NUDT22: variants seen among roughly 807,000 people sequenced by gnomAD.
NUDT22 encodes the protein nudix hydrolase 22, also known as uridine diphosphate glucose pyrophosphatase NUDT22.
Under a neutral mutation model 28.8 loss-of-function variants are expected in NUDT22, and 23 were observed. That is an observed-to-expected ratio of 0.80 (90% CI 0.58 to 1.13). The LOEUF (loss-of-function observed/expected upper bound fraction) is 1.13, where lower values mean the gene tolerates loss of function less well. NUDT22 is among the 50% of genes most tolerant of loss of function. The pLI, the probability that NUDT22 is intolerant of heterozygous loss-of-function variation, is 0.00. For missense variants in NUDT22, 358 were observed against 387.3 expected, an observed-to-expected ratio of 0.92 and a Z score of 0.64; for synonymous variants, 175 against 173.7, an observed-to-expected ratio of 1.01 and a Z score of -0.06.
chr11:64,226,595 G>C, intron 1 of NUDT22, 40 bp from the exon 2 acceptor site: 1 of 1,521,422 alleles, frequency 6.6e-7, no homozygotes, highest in African/African-American at 1.4e-5. Flanking sequence ...GAGTGGTAGT[G>C]GCCCCCCTGG....
chr11:64,227,298 C>T, intron 2 of NUDT22, 166 bp downstream of exon 2: 1 of 837,004 alleles, frequency 1.2e-6, no homozygotes, highest in Non-Finnish European at 2.0e-6. Flanking sequence ...CCCACTGACC[C>T]CTGCCCCAGT....
chr11:64,226,312 G>T lies in NUDT22; in HGVS notation c.-134G>T. 9.2e-7 allele frequency: 1 copy of T among 1,082,012 alleles called. No individual in the cohort carries two copies. Among genetic ancestry groups the T allele is most frequent in the Non-Finnish European group, 1.2e-6 (1 of 857,112 alleles). The allele number at this position is 1,082,012 out of a possible 1,614,324, so 67.0% of individuals were successfully genotyped here. ...CCCGGCGGCTGGTGAGCGCCCGCTGGAGGCTGGAGCTTCCGGGCCCTGGAA... is the reference window on the plus strand; with the variant it reads ...CCCGGCGGCTGGTGAGCGCCCGCTGTAGGCTGGAGCTTCCGGGCCCTGGAA... On this transcript the variant is annotated 5_prime_UTR_variant, in exon 1 of 6. Transcript: ENST00000279206.
intron 2 of NUDT22, 133 bp downstream of exon 2, chr11:64,227,265 G>A: frequency 8.7e-7 from 1 of 1,143,362 alleles, no homozygotes; most frequent in Non-Finnish European, 1.3e-6. Context: ...CTGGAAGTTT[G>A]CTCAGGGCAG....
intron 5 of NUDT22, 27 bp downstream of exon 5, chr11:64,229,598 G>T: frequency 6.2e-7 from 1 of 1,602,806 alleles, no homozygotes; most frequent in Non-Finnish European, 8.5e-7. Context: ...CATCTTGCTT[G>T]GAGGCCAGGG....
rs765265151 is a variant in NUDT22, at chr11:64,226,632, C to A, written c.-18-3C>A. 1 of 1,549,592 alleles carries A rather than the reference C, an allele frequency of 6.5e-7. No individual in the cohort carries two copies. The highest frequency in any genetic ancestry group is 8.7e-7 in the Non-Finnish European group (1 of 1,149,950). ...TGACAGGCCTGGCCGTATCCTCCCC[C>A]AGAGCTGCCCCGTTCAGACCATGGA... On this transcript the variant is annotated splice_region_variant and splice_polypyrimidine_tract_variant and intron_variant, in intron 1 of 5. Coordinates refer to ENST00000279206, the MANE Select transcript of NUDT22 (RefSeq NM_032344.4).
At chr11:64,227,478 CCCT>C (rs748999049) in intron 2 of NUDT22, 87 bp from the exon 3 acceptor site, 1 of 968,926 alleles carries the variant, frequency 1.0e-6, no homozygotes, top group Admixed American at 1.7e-5. Context: ...CCACATCAGA[CCCT>C]CAAGGCCAGC....
intron 1 of NUDT22, 45 bp from the exon 2 acceptor site, chr11:64,226,590 G>T: frequency 6.6e-7 from 1 of 1,520,692 alleles, no homozygotes; most frequent in Non-Finnish European, 8.8e-7. Context: ...CCCAGGAGTG[G>T]TAGTGGCCCC....
Position 64,226,323 on chromosome 11 carries a change from T to C in NUDT22, c.-123T>C. On this transcript the variant is annotated 5_prime_UTR_variant, in exon 1 of 6. Transcript: ENST00000279206. ...GTGAGCGCCCGCTGGAGGCTGGAGC[T>C]TCCGGGCCCTGGAAAGGGGTCCCCG... 1 of 1,148,718 alleles carries C rather than the reference T, an allele frequency of 8.7e-7. No individual in the cohort carries two copies. Among genetic ancestry groups the C allele is most frequent in the East Asian group, 3.8e-5 (1 of 26,032 alleles). 71.2% of individuals were successfully genotyped at this position (1,148,718 alleles called of 1,614,324 possible).
rs1175173890 is a variant in NUDT22 at position 64,229,331 on chromosome 11, G to A, written c.664G>A (p.Glu222Lys). The A allele has an allele frequency of 5.0e-6, 8 of 1,611,958 alleles. No individual in the cohort carries two copies. The highest frequency in any genetic ancestry group is 2.7e-5 in the African/African-American group (2 of 75,006). ...NETSAGRASA[E>K]FYVQCSLTSE... ...GACCAGTGCTGGCCGAGCCAGTGCC[G>A]AGTTCTATGTCCAGTGAGTAGGCTC... is the stretch of plus-strand genomic sequence containing the variant. Residue 222 changes from glutamate (E) to lysine (K), a missense_variant, in exon 4 of 6, where the codon GAG becomes AAG. By Grantham distance (56) the Glu-to-Lys change is moderately conservative (BLOSUM62 1). Coordinates refer to ENST00000279206, the MANE Select transcript of NUDT22 (RefSeq NM_032344.4).
At chr11:64,227,848 G>T in intron 3 of NUDT22, 182 bp downstream of exon 3, 4 of 591,826 alleles carry the variant, frequency 6.8e-6, no homozygotes, top group African/African-American at 1.9e-5. Flanking sequence ...CCTCTGCCTT[G>T]GATTCTTCTT....
At position 64,229,490 on chromosome 11, in the gene NUDT22, T is replaced by C; in HGVS notation, c.690T>C (p.Thr230=). 6.2e-7 allele frequency: 1 copy of C among 1,614,168 alleles called. No homozygotes were observed. The highest frequency in any genetic ancestry group is 8.5e-7 in the Non-Finnish European group (1 of 1,179,998). Residue 230 remains threonine, a synonymous_variant, in exon 5 of 6, where the codon ACT becomes ACC. Transcript: ENST00000279206. ...SAEFYVQCSL[T]SEQVRKHYLS... ...TGTTCTTGTCCAGGTGCAGCCTGAC[T>C]TCTGAGCAGGTGAGGAAGCACTACC...
At position 64,226,891 on chromosome 11, in the gene NUDT22, T is replaced by G; in HGVS notation, c.239T>G (p.Leu80Arg). ...PIGSRGPQLL[L>R]RLGLTSYRDF... ...GGCTCTCGGGGGCCACAGCTGCTCC[T>G]GCGCCTGGGCCTTACTTCCTACCGA... Residue 80 changes from leucine to arginine, a missense_variant, in exon 2 of 6, where the codon CTG (leucine) becomes CGG (arginine). By Grantham distance (102) the Leu-to-Arg change is moderately radical. Coordinates refer to ENST00000279206, the MANE Select transcript of NUDT22 (RefSeq NM_032344.4). 1 of 1,604,074 alleles carries G rather than the reference T, an allele frequency of 6.2e-7. No individual in the cohort carries two copies. Among genetic ancestry groups the G allele is most frequent in the Non-Finnish European group, 8.5e-7 (1 of 1,179,912 alleles).
Position 64,226,673 on chromosome 11 carries a change from G to T in NUDT22, c.21G>T (p.Leu7Phe). MDPEVTLLLQCPGGGLP... is the reference protein window; with the variant it reads MDPEVTFLLQCPGGGLP... ...AGACCATGGATCCTGAGGTGACCTT[G>T]CTGCTGCAGTGCCCTGGCGGGGGCC... Residue 7 changes from leucine to phenylalanine, a missense_variant, in exon 2 of 6, where the codon TTG (leucine) becomes TTT (phenylalanine). Leu to Phe is a conservative substitution (Grantham distance 22). Transcript: ENST00000279206. 3.1e-6 allele frequency: 5 copies of T among 1,602,730 alleles called. No homozygotes were observed. Among genetic ancestry groups the T allele is most frequent in the Non-Finnish European group, 4.3e-6 (5 of 1,175,168 alleles).
rs754305239 is a variant in NUDT22, at chr11:64,227,689, G to C, written c.579+23G>C. 3 of 1,592,084 alleles carry C rather than the reference G, an allele frequency of 1.9e-6. No homozygotes were observed. In the East Asian group the frequency reaches 6.7e-5, roughly 36 times the overall value. Reference sequence around the variant, plus strand: ...GAGGTGAGTGAGGTTGACCTGGACAGGGTGGTAGACATGAAGGGAGGGGGT... The same window carrying C: ...GAGGTGAGTGAGGTTGACCTGGACACGGTGGTAGACATGAAGGGAGGGGGT... On this transcript the variant is annotated intron_variant, in intron 3 of 5. Transcript: ENST00000279206.
intron 3 of NUDT22, among the ~76,000 whole-genome samples, chr11:64,228,271 C>T (rs1203850940): frequency 2.0e-5 from 3 of 151,412 alleles, no homozygotes; most frequent in Non-Finnish European, 4.4e-5. Flanking sequence ...CAACCTTCGC[C>T]TCCTGGGTTC....
rs1947076266 is a variant in NUDT22, at chr11:64,227,632, T to A, written c.545T>A (p.Leu182His). The A allele has an allele frequency of 6.2e-7, 1 of 1,613,954 alleles. No individual in the cohort carries two copies. The highest frequency in any genetic ancestry group is 1.7e-5 in the Admixed American group (1 of 60,014). The change falls in exon 3 of 6, where the codon CTC becomes CAC. Residue 182 changes from leucine to histidine, a missense_variant. Coordinates refer to ENST00000279206, the MANE Select transcript of NUDT22 (RefSeq NM_032344.4). ...GCTGGGCAGCTGGTGGTACATGAAC[T>A]CTTTTCCAGTGTCCTTCAGGAGATC... is the stretch of plus-strand genomic sequence containing the variant. ...DLAGQLVVHE[L>H]FSSVLQEICD... is the part of the protein sequence containing the mutation.
chr11:64,227,946 T>C, intron 3 of NUDT22: 1 of 353,420 alleles, frequency 2.8e-6, no homozygotes, highest in Non-Finnish European at 5.3e-6. Context: ...CTCTGCTCAC[T>C]GCAAGCTCCA....
chr11:64,229,795 C>A, intron 5 of NUDT22, 55 bp from the exon 6 acceptor site: 1 of 1,608,296 alleles, frequency 6.2e-7, no homozygotes. Flanking sequence ...CTGGGCACAG[C>A]CCTGGCAGGA....
In NUDT22 at chr11:64,227,609, T is replaced by C. The variant is rs780816826; in HGVS notation, c.522T>C (p.Ala174=). The part of the protein sequence containing the change: ...PGGSPQHQDL[A]GQLVVHELFS... ...GCAGCCCCCAGCACCAGGACCTCGCTGGGCAGCTGGTGGTACATGAACTCT... is the reference window on the plus strand; with the variant it reads ...GCAGCCCCCAGCACCAGGACCTCGCCGGGCAGCTGGTGGTACATGAACTCT... Residue 174 remains alanine (A), a synonymous_variant, in exon 3 of 6, where the codon GCT becomes GCC. Coordinates refer to ENST00000279206, the MANE Select transcript of NUDT22 (RefSeq NM_032344.4). 2.5e-6 allele frequency: 4 copies of C among 1,613,946 alleles called. No homozygotes were observed. The highest frequency in any genetic ancestry group is 1.1e-5 in the South Asian group (1 of 91,092).
Sources: gnomAD v4.1 joint callset for allele counts (sites outside exome capture counted in the v4.1 genomes callset) on GRCh38, gnomAD v4.1.1 for gene constraint, MANE v1.5 for transcripts, NCBI Gene and HGNC (gene_info 2026-07-23, HGNC 2026-07-21) for gene names.